The following KCNJ6 variants were observed in gnomAD, a reference collection of about 807,000 sequenced individuals.
KCNJ6 encodes potassium inwardly rectifying channel subfamily J member 6.
In KCNJ6, 9 loss-of-function variants were observed where a neutral mutation model predicts 34.2. The ratio of observed to expected loss-of-function variants is 0.26; its 90% CI spans 0.16 to 0.46. The LOEUF is 0.46. Among genes scored for constraint, KCNJ6 ranks in the 20% least tolerant of loss-of-function variants. The pLI, the probability that KCNJ6 is intolerant of heterozygous loss-of-function variation, is 1.00. For synonymous variants in KCNJ6, 196 were observed against 207.1 expected (o/e 0.95, Z 0.46); for missense variants, 236 against 531.3 (o/e 0.44, Z 5.46).
At chr21:37,655,539 T>C (rs76063139) in intron 3 of KCNJ6, among the ~76,000 whole-genome samples, 3,243 of 152,250 alleles carry the variant, frequency 0.021, 102 homozygotes, top group African/African-American at 0.072. Flanking sequence ...TGTGTGTGTA[T>C]GTATTTGAGA....
intron 2 of KCNJ6, among the ~76,000 whole-genome samples, chr21:37,771,386 G>A: frequency 6.6e-6 from 1 of 152,178 alleles, no homozygotes; most frequent in East Asian, 1.9e-4. Context: ...GCTTCAGCTT[G>A]TGCCCAAGAG....
intron 2 of KCNJ6, among the ~76,000 whole-genome samples, chr21:37,794,750 AG>A (rs1250818534): frequency 6.6e-6 from 1 of 152,148 alleles, no homozygotes; most frequent in African/African-American, 2.4e-5. Flanking sequence ...AAGGGGAGGG[AG>A]AACATTAGGA....
At chr21:37,681,728 G>A (rs1177484105) in intron 3 of KCNJ6, among the ~76,000 whole-genome samples, 2 of 152,176 alleles carry the variant, frequency 1.3e-5, no homozygotes, top group African/African-American at 4.8e-5. Flanking sequence ...GTACACATGT[G>A]GCTGGTGAAA....
chr21:37,815,181 T>C (rs992793950), intron 2 of KCNJ6, among the ~76,000 whole-genome samples: 2 of 151,966 alleles, frequency 1.3e-5, no homozygotes, highest in African/African-American at 4.8e-5. Flanking sequence ...TTAGAAAGAA[T>C]GAATAAGAAC....
At chr21:37,900,603 C>T (rs1222416696) in intron 1 of KCNJ6, among the ~76,000 whole-genome samples, 1 of 152,012 alleles carries the variant, frequency 6.6e-6, no homozygotes. Context: ...AGGATGGGTG[C>T]CAGCACAAAC....
chr21:37,792,727 C>T (rs1488769444), intron 2 of KCNJ6, among the ~76,000 whole-genome samples: 2 of 152,088 alleles, frequency 1.3e-5, no homozygotes, highest in East Asian at 3.9e-4. Context: ...GTCTAGGGAG[C>T]AGATCTCTGT....
intron 3 of KCNJ6, among the ~76,000 whole-genome samples, chr21:37,635,196 A>G (rs857973): frequency 0.73 from 111,474 of 152,052 alleles, 41,246 homozygotes; most frequent in East Asian, 0.9. Flanking sequence ...AGTTACAAGT[A>G]TTTTATATAA....
intron 2 of KCNJ6, among the ~76,000 whole-genome samples, chr21:37,787,244 T>G (rs542330616): frequency 1.4e-4 from 22 of 152,212 alleles, no homozygotes; most frequent in African/African-American, 5.3e-4. Context: ...TAGAGCTGTA[T>G]AAAAACTTGC....
chr21:37,689,289 T>C (rs1315147285), intron 3 of KCNJ6, among the ~76,000 whole-genome samples: 1 of 29,610 alleles, frequency 3.4e-5, no homozygotes, highest in Non-Finnish European at 6.1e-5. Flanking sequence ...CTAATTGCTC[T>C]GCAATCACTT....
intron 2 of KCNJ6, among the ~76,000 whole-genome samples, chr21:37,770,324 T>G (rs1427385225): frequency 6.6e-6 from 1 of 151,920 alleles, no homozygotes; most frequent in Non-Finnish European, 1.5e-5. Context: ...GAGTGTGACC[T>G]GTGAGGAGGT....
intron 3 of KCNJ6, among the ~76,000 whole-genome samples, chr21:37,708,059 T>C (rs1198457522): frequency 6.6e-6 from 1 of 152,208 alleles, no homozygotes; most frequent in African/African-American, 2.4e-5. Context: ...CTCACTTCTA[T>C]TGAGCATCTA....
rs71198897 is a variant in KCNJ6 at position 37,853,846 on chromosome 21, G to GTGTATATATATATATATATACA, written c.-27-13138_-27-13137insTGTATATATATATATATATACA. On this transcript the variant is annotated intron_variant, in intron 1 of 3. Coordinates refer to ENST00000609713, the MANE Select transcript of KCNJ6 (RefSeq NM_002240.5). ...GTAGTTAAGAGATACATATATATAT[G>GTGTATATATATATATATATACA]TATATATATATATATAAATTACATT... Among the ~76,000 whole-genome samples, 26 of 115,956 alleles carry GTGTATATATATATATATATACA rather than the reference G, an allele frequency of 2.2e-4. No homozygotes were observed. The East Asian group carries it at 2.7e-3, about 12-fold the overall frequency. The allele number at this position is 115,956 out of a possible 152,430, so 76.1% of individuals were successfully genotyped here. A position where few individuals can be genotyped will look rare whatever the true frequency, so the allele number is the denominator to read the frequency against.
intron 3 of KCNJ6, among the ~76,000 whole-genome samples, chr21:37,662,299 T>A (rs1413333333): frequency 2.0e-5 from 3 of 152,172 alleles, no homozygotes. Context: ...TTCCCCTCGC[T>A]CTGTCCATGT....
chr21:37,808,358 G>A lies in KCNJ6; in HGVS notation c.25+32300C>T, dbSNP rs554237855. On this transcript the variant is annotated intron_variant, in intron 2 of 3. Coordinates refer to ENST00000609713, the MANE Select transcript of KCNJ6 (RefSeq NM_002240.5). ...AAATGGAGCTAAAGAATCATAATCT[G>A]CCTTAAATAAAAGTCACAGGCAAGA... Among the ~76,000 whole-genome samples, 255 of 152,244 alleles carry A rather than the reference G, an allele frequency of 1.7e-3. 4 individuals are homozygous for A. The South Asian group carries it at 0.021, about 13-fold the overall frequency.
chr21:37,802,510 T>C (rs2055274016), intron 2 of KCNJ6, among the ~76,000 whole-genome samples: 3 of 151,618 alleles, frequency 2.0e-5, no homozygotes. Flanking sequence ...GAGAGAGAGA[T>C]TGGAAGAGGC....
intron 3 of KCNJ6, among the ~76,000 whole-genome samples, chr21:37,698,592 C>T (rs1047014942): frequency 1.3e-5 from 2 of 152,194 alleles, no homozygotes; most frequent in African/African-American, 4.8e-5. Flanking sequence ...TGCAGTGGCA[C>T]CATCATAGCT....
chr21:37,631,002 A>G (rs911854178), intron 3 of KCNJ6, among the ~76,000 whole-genome samples: 2 of 152,210 alleles, frequency 1.3e-5, no homozygotes, highest in East Asian at 3.9e-4. Context: ...TGCTGGAACT[A>G]TCGAGTTCCA....
chr21:37,811,866 T>C (rs2055324441), intron 2 of KCNJ6, among the ~76,000 whole-genome samples: 2 of 152,118 alleles, frequency 1.3e-5, no homozygotes, highest in South Asian at 2.1e-4. Context: ...GGAGAGGTGG[T>C]TATGCAATGA....
At chr21:37,744,581 C>T (rs964397622) in intron 2 of KCNJ6, among the ~76,000 whole-genome samples, 4 of 152,172 alleles carry the variant, frequency 2.6e-5, no homozygotes, top group Admixed American at 6.5e-5. Context: ...CCATCTTTCA[C>T]TGATGGTAAT....
Sources: gnomAD v4.1 joint callset for allele counts (sites outside exome capture counted in the v4.1 genomes callset) on GRCh38, gnomAD v4.1.1 for gene constraint, MANE v1.5 for transcripts, NCBI Gene and HGNC (gene_info 2026-07-23, HGNC 2026-07-21) for gene names.